The following ARHGEF12 variants were observed in gnomAD, a reference collection of about 807,000 sequenced individuals.
ARHGEF12 encodes KMT2A/ARHGEF12 fusion protein.
Under a neutral mutation model 211.2 loss-of-function variants are expected in ARHGEF12, and 66 were observed. That is an observed-to-expected ratio of 0.31 (90% CI 0.26 to 0.38). The LOEUF is 0.38. Among genes scored for constraint, ARHGEF12 ranks in the 10% least tolerant of loss-of-function variants. The probability of loss-of-function intolerance (pLI) is 1.00; values close to 1 mark genes in which losing one functional copy is unlikely to be tolerated. For synonymous variants in ARHGEF12, 592 were observed against 638.4 expected (o/e 0.93, Z 1.09); for missense variants, 1,429 against 1,869.5 (o/e 0.76, Z 4.34).
intron 36 of ARHGEF12, among the ~76,000 whole-genome samples, chr11:120,477,873 AAGAAAAAAAG>A (rs1434859565): frequency 1.3e-5 from 2 of 149,846 alleles, no homozygotes; most frequent in African/African-American, 4.9e-5. Flanking sequence ...AAAAAAAAAA[AAGAAAAAAAG>A]AAAAAAAAGA....
chr11:120,338,641 G>A (rs1942432002), intron 1 of ARHGEF12, among the ~76,000 whole-genome samples: 1 of 151,866 alleles, frequency 6.6e-6, no homozygotes, highest in African/African-American at 2.4e-5. Flanking sequence ...TTCCTTTCAG[G>A]GTGTTTTGCT....
intron 29 of ARHGEF12, among the ~76,000 whole-genome samples, chr11:120,468,301 C>T (rs765184080): frequency 2.0e-5 from 3 of 152,180 alleles, no homozygotes; most frequent in Admixed American, 6.5e-5. Flanking sequence ...GGTTTACACT[C>T]ATACATATTA....
At chr11:120,358,629 G>T (rs910844851) in intron 1 of ARHGEF12, among the ~76,000 whole-genome samples, 1 of 152,068 alleles carries the variant, frequency 6.6e-6, no homozygotes, top group African/African-American at 2.4e-5. Flanking sequence ...TAAATTAATT[G>T]AAATTAAATA....
chr11:120,466,996 A>G (rs894839), intron 28 of ARHGEF12, among the ~76,000 whole-genome samples, 198 bp from the exon 29 acceptor site: 66,894 of 151,988 alleles, frequency 0.44, 15,255 homozygotes, highest in African/African-American at 0.55. Context: ...TTCATTTAGT[A>G]ATAGAGGCTC....
At chr11:120,437,936 A>G (rs899942613) in intron 12 of ARHGEF12, among the ~76,000 whole-genome samples, 1 of 152,180 alleles carries the variant, frequency 6.6e-6, no homozygotes, top group Non-Finnish European at 1.5e-5. Flanking sequence ...ATAATATTCC[A>G]TGACATGTAT....
At chr11:120,350,244 G>A (rs1211880902) in intron 1 of ARHGEF12, among the ~76,000 whole-genome samples, 3 of 152,110 alleles carry the variant, frequency 2.0e-5, no homozygotes, top group Non-Finnish European at 2.9e-5. Flanking sequence ...TGGCAGGCGC[G>A]GTGGCTCACG....
intron 1 of ARHGEF12, among the ~76,000 whole-genome samples, chr11:120,351,325 G>C (rs1186478691): frequency 2.4e-5 from 2 of 83,324 alleles, no homozygotes; most frequent in African/African-American, 1.0e-4. Context: ...CTGGGCAACA[G>C]AGCAAGACTC....
At chr11:120,357,661 C>T (rs534391024) in intron 1 of ARHGEF12, among the ~76,000 whole-genome samples, 2 of 152,274 alleles carry the variant, frequency 1.3e-5, no homozygotes, top group East Asian at 3.9e-4. Context: ...CCTCCACCTC[C>T]TGGGTTCAAG....
intron 1 of ARHGEF12, among the ~76,000 whole-genome samples, chr11:120,388,989 A>G (rs566908428): frequency 6.6e-6 from 1 of 152,096 alleles, no homozygotes; most frequent in African/African-American, 2.4e-5. Flanking sequence ...CAGCCTCCCA[A>G]GTAGCTGGGA....
chr11:120,462,291 T>C (rs1946558157), intron 27 of ARHGEF12, among the ~76,000 whole-genome samples: 2 of 152,104 alleles, frequency 1.3e-5, no homozygotes, highest in African/African-American at 4.8e-5. Flanking sequence ...GAATGGTCAG[T>C]TGGTGGGGCG....
rs1942952920 is a variant in ARHGEF12, at chr11:120,351,436, TA to T, written c.32+14162del. Among the ~76,000 whole-genome samples the T allele has an allele frequency of 1.4e-3, 5 of 3,618 alleles. 1 individual carries two copies. Among genetic ancestry groups the T allele is most frequent in the Admixed American group, 8.2e-3 (2 of 244 alleles). The allele number at this position is 3,618 out of a possible 152,430, so 2.4% of individuals were successfully genotyped here. A position where few individuals can be genotyped will look rare whatever the true frequency, so the allele number is the denominator to read the frequency against. ...ATATATATATATATATATATATATATATATATATATATATATATATTTTTTT... is the reference window on the plus strand; with the variant it reads ...ATATATATATATATATATATATATATTATATATATATATATATATTTTTTT... On this transcript the variant is annotated intron_variant, in intron 1 of 40. Transcript: ENST00000397843.
intron 27 of ARHGEF12, chr11:120,463,440 G>A (rs10892580): frequency 0.18 from 27,502 of 149,870 alleles, 2,882 homozygotes; most frequent in Non-Finnish European, 0.23. Flanking sequence ...CAGGAGAATC[G>A]CTTGAACCTG....
rs1248549167 is a variant in ARHGEF12, at chr11:120,489,219, C to G, written c.*4142C>G. 1.7e-5 allele frequency: 4 copies of G among 228,662 alleles called. No homozygotes were observed. Among genetic ancestry groups the G allele is most frequent in the Non-Finnish European group, 2.6e-5 (3 of 115,090 alleles). The allele number at this position is 228,662 out of a possible 1,614,324, so 14.2% of individuals were successfully genotyped here. A position where few individuals can be genotyped will look rare whatever the true frequency, so the allele number is the denominator to read the frequency against. ...GACAGTGCTGGCAGGTGGGCTTGCC[C>G]TAGCATGTGGGGCAGGTTTGTTGTT... On this transcript the variant is annotated 3_prime_UTR_variant, in exon 41 of 41. Coordinates refer to ENST00000397843, the MANE Select transcript of ARHGEF12 (RefSeq NM_015313.3).
At chr11:120,470,084 A>G (rs573019965) in intron 30 of ARHGEF12, among the ~76,000 whole-genome samples, 2 of 152,198 alleles carry the variant, frequency 1.3e-5, no homozygotes, top group Non-Finnish European at 2.9e-5. Flanking sequence ...AAATGAGGTA[A>G]AGTAGACCAA....
intron 1 of ARHGEF12, among the ~76,000 whole-genome samples, chr11:120,374,549 A>G (rs1020565703): frequency 2.0e-5 from 3 of 152,286 alleles, no homozygotes; most frequent in African/African-American, 7.2e-5. Flanking sequence ...TTACAAGGCT[A>G]AGAATCAATC....
chr11:120,481,366 G>A lies in ARHGEF12; in HGVS notation c.4344G>A (p.Val1448=). 6.2e-7 allele frequency: 1 copy of A among 1,614,112 alleles called. No individual in the cohort carries two copies. The highest frequency in any genetic ancestry group is 8.5e-7 in the Non-Finnish European group (1 of 1,180,024). The part of the protein sequence containing the change: ...TLQPMTGIPA[V]ESTHQQQHSP... ...AGCCCATGACAGGCATCCCTGCTGT[G>A]GAATCCACCCACCAGCAGCAACATT... Residue 1448 remains valine, a synonymous_variant, in exon 39 of 41, where the codon GTG becomes GTA. Transcript: ENST00000397843.
At chr11:120,447,515 C>T (rs2135820040) in intron 18 of ARHGEF12, among the ~76,000 whole-genome samples, 1 of 152,198 alleles carries the variant, frequency 6.6e-6, no homozygotes, top group South Asian at 2.1e-4. Context: ...TTTCAGGTAT[C>T]TGAGTTAATA....
At chr11:120,385,880 T>G (rs1169790479) in intron 1 of ARHGEF12, among the ~76,000 whole-genome samples, 3 of 152,204 alleles carry the variant, frequency 2.0e-5, no homozygotes, top group African/African-American at 7.2e-5. Context: ...CTGTGAATTG[T>G]GATTTAATTA....
chr11:120,470,792 C>G (rs1946845013), intron 30 of ARHGEF12, among the ~76,000 whole-genome samples: 2 of 152,198 alleles, frequency 1.3e-5, no homozygotes, highest in South Asian at 4.1e-4. Flanking sequence ...CTCCGCAGTT[C>G]TGTTCCTAGT....
Sources: allele counts gnomAD v4.1 joint callset (sites outside exome capture counted in the v4.1 genomes callset), GRCh38; gene constraint gnomAD v4.1.1; transcripts MANE v1.5; gene names NCBI Gene and HGNC (gene_info 2026-07-23, HGNC 2026-07-21).